SRC: variants seen among roughly 807,000 people sequenced by gnomAD.
The protein encoded by SRC is proto-oncogene tyrosine-protein kinase Src.
Under a neutral mutation model 62.9 loss-of-function variants are expected in SRC, and 13 were observed. The ratio of observed to expected loss-of-function variants is 0.21; its 90% CI spans 0.13 to 0.33. The LOEUF (loss-of-function observed/expected upper bound fraction) is 0.33, where lower values mean the gene tolerates loss of function less well. Ranked by LOEUF, SRC falls within the 10% of genes least tolerant of loss-of-function variation. The pLI is 1.00. For missense variants in SRC, 457 were observed against 737.3 expected (o/e 0.62, Z 4.40); for synonymous variants, 302 against 317.5 (o/e 0.95, Z 0.52).
chr20:37,371,291 G>A (rs537374113), intron 2 of SRC, among the ~76,000 whole-genome samples: 3 of 152,248 alleles, frequency 2.0e-5, no homozygotes, highest in Admixed American at 6.5e-5. Context: ...ACCGTGCCCA[G>A]CCTATTTCTT....
rs771228116 is a variant in SRC, at chr20:37,394,166, A to T, written c.450-8A>T. The T allele has an allele frequency of 1.8e-5, 29 of 1,612,696 alleles. No homozygotes were observed. In the African/African-American group the frequency reaches 3.9e-4, roughly 22 times the overall value. On this transcript the variant is annotated splice_polypyrimidine_tract_variant and splice_region_variant and intron_variant, in intron 6 of 13. Transcript: ENST00000373578. ...AGTCAGCACCATCCTCCGTCCTCCCACCCCCAGGTGGTATTTTGGCAAGAT... is the reference window on the plus strand; with the variant it reads ...AGTCAGCACCATCCTCCGTCCTCCCTCCCCCAGGTGGTATTTTGGCAAGAT...
At chr20:37,386,038 G>T in intron 4 of SRC, 37 bp from the exon 5 acceptor site, 1 of 1,551,330 alleles carries the variant, frequency 6.4e-7, no homozygotes, top group Non-Finnish European at 8.9e-7. Context: ...CCTGGCTGTG[G>T]CCCCACTGTT....
chr20:37,364,539 T>G (rs2070032546), intron 1 of SRC, among the ~76,000 whole-genome samples: 1 of 152,016 alleles, frequency 6.6e-6, no homozygotes. Flanking sequence ...CTTCTCCAGG[T>G]CTAGGGGACA....
intron 1 of SRC, among the ~76,000 whole-genome samples, chr20:37,356,514 G>C (rs964307325): frequency 2.0e-5 from 3 of 152,048 alleles, no homozygotes; most frequent in African/African-American, 7.2e-5. Context: ...ATGGACAGGG[G>C]AGTGGTGGGG....
intron 1 of SRC, among the ~76,000 whole-genome samples, chr20:37,353,688 C>T (rs946480218): frequency 2.0e-5 from 3 of 152,146 alleles, no homozygotes; most frequent in African/African-American, 7.2e-5. Flanking sequence ...GGGGACTTGC[C>T]CAAGGTCATC....
chr20:37,398,352 C>T lies in SRC; in HGVS notation c.859+498C>T, dbSNP rs1014275950. Among the ~76,000 whole-genome samples, 5 of 152,212 alleles carry T rather than the reference C, an allele frequency of 3.3e-5. No homozygotes were observed. The highest frequency in any genetic ancestry group is 4.4e-5 in the Non-Finnish European group (3 of 68,046). On this transcript the variant is annotated intron_variant, in intron 9 of 13. Transcript: ENST00000373578. The surrounding 1 kb of genome is among the most constrained non-coding windows in gnomAD (Gnocchi z 5.2). Reference sequence around the variant, plus strand: ...TGGAGAAACAGCAAAGCATGAGCACCGTGCAGCCCTGACAAAACCCAGGCC... The same window carrying T: ...TGGAGAAACAGCAAAGCATGAGCACTGTGCAGCCCTGACAAAACCCAGGCC...
chr20:37,355,320 G>A (rs754312197), intron 1 of SRC, among the ~76,000 whole-genome samples: 2 of 142,210 alleles, frequency 1.4e-5, no homozygotes, highest in African/African-American at 5.2e-5. Flanking sequence ...TGCTGTTCCC[G>A]TTTCTCTCCT....
intron 5 of SRC, among the ~76,000 whole-genome samples, chr20:37,391,923 G>T (rs1372715362): frequency 6.6e-6 from 1 of 152,150 alleles, no homozygotes; most frequent in African/African-American, 2.4e-5. Context: ...TGCGCTGATC[G>T]CTTGACATTT....
chr20:37,359,582 C>T (rs889057998), intron 1 of SRC, among the ~76,000 whole-genome samples: 1 of 152,156 alleles, frequency 6.6e-6, no homozygotes, highest in African/African-American at 2.4e-5. Context: ...TGGGGAGACC[C>T]CGAGGCAGGG....
In SRC at chr20:37,384,491, G is replaced by A. The variant is rs1322975254; in HGVS notation, c.250+88G>A. 8 of 1,251,288 alleles carry A rather than the reference G, an allele frequency of 6.4e-6. No individual in the cohort carries two copies. The East Asian group carries it at 2.7e-4, about 43-fold the overall frequency. The allele number at this position is 1,251,288 out of a possible 1,614,324, so 77.5% of individuals were successfully genotyped here. ...CTGTGTGCCCGGGGTCGCCCCCTCT[G>A]CGCAGGCCCTTCCTCTCGCCAGGGG... On this transcript the variant is annotated intron_variant, in intron 4 of 13. Coordinates refer to ENST00000373578, the MANE Select transcript of SRC (RefSeq NM_198291.3). This position sits in a 1 kb window ranked among gnomAD's most constrained non-coding sequence, Gnocchi z 6.7.
chr20:37,388,388 T>C (rs1443466026), intron 5 of SRC, among the ~76,000 whole-genome samples: 2 of 151,858 alleles, frequency 1.3e-5, no homozygotes, highest in African/African-American at 2.4e-5. Context: ...GATTGGGAGA[T>C]GGGGGTGGGT....
intron 2 of SRC, among the ~76,000 whole-genome samples, chr20:37,368,518 C>CTTTTTTTTTTTGTTTTTTTTT (rs2070102019): frequency 1.4e-5 from 1 of 73,898 alleles, no homozygotes; most frequent in South Asian, 5.8e-4. Flanking sequence ...CCTATATTTT[C>CTTTTTTTTTTTGTTTTTTTTT]TTTTTTTTTT....
chr20:37,375,368 T>C (rs2070260686), intron 2 of SRC, among the ~76,000 whole-genome samples: 1 of 151,998 alleles, frequency 6.6e-6, no homozygotes, highest in Non-Finnish European at 1.5e-5. Flanking sequence ...CGTAGCTGGG[T>C]CTACAGGTGC....
rs1452386481 is a variant in SRC, at chr20:37,403,670, A to T, written c.*291A>T. ...AGCTCTGTGGGTCTCTGGAAGAGGA[A>T]CCAGGAGAAGGGCTGGGGCCGGGGC... On this transcript the variant is annotated 3_prime_UTR_variant, in exon 14 of 14. Coordinates refer to ENST00000373578, the MANE Select transcript of SRC (RefSeq NM_198291.3). The surrounding 1 kb of genome is among the most constrained non-coding windows in gnomAD (Gnocchi z 7.1). The T allele has an allele frequency of 2.2e-6, 1 of 463,324 alleles. No homozygotes were observed. Among genetic ancestry groups the T allele is most frequent in the Non-Finnish European group, 3.9e-6 (1 of 254,102 alleles). 28.7% of individuals were successfully genotyped at this position (463,324 alleles called of 1,614,324 possible).
At chr20:37,365,111 A>G (rs890726758) in intron 1 of SRC, 93 bp from the exon 2 acceptor site, 7 of 152,322 alleles carry the variant, frequency 4.6e-5, no homozygotes, top group South Asian at 4.2e-4. Flanking sequence ...GGAGCCAGGC[A>G]CAGGGGGAGG....
chr20:37,401,420 C>T (rs1185158229), intron 10 of SRC, among the ~76,000 whole-genome samples, 182 bp from the exon 11 acceptor site: 1 of 152,086 alleles, frequency 6.6e-6, no homozygotes, highest in Non-Finnish European at 1.5e-5. Context: ...CTGCTTGTTT[C>T]CCATCCTGCT....
At chr20:37,358,698 G>A (rs1036572363) in intron 1 of SRC, among the ~76,000 whole-genome samples, 3 of 152,252 alleles carry the variant, frequency 2.0e-5, no homozygotes, top group African/African-American at 4.8e-5. Context: ...GCAGAAGAGC[G>A]GTCAGGGCTG....
Position 37,403,201 on chromosome 20 carries a change from T to C in SRC, c.1433T>C (p.Val478Ala). 1 of 1,561,678 alleles carries C rather than the reference T, an allele frequency of 6.4e-7. No individual in the cohort carries two copies. The highest frequency in any genetic ancestry group is 1.4e-5 in the African/African-American group (1 of 73,862). The change falls in exon 14 of 14, where the codon GTG (valine) becomes GCG (alanine). Residue 478 changes from valine to alanine, a missense_variant. Coordinates refer to ENST00000373578, the MANE Select transcript of SRC (RefSeq NM_198291.3). This position sits in a 1 kb window ranked among gnomAD's most constrained non-coding sequence, Gnocchi z 7.1. ...GTGAACCGCGAGGTGCTGGACCAGG[T>C]GGAGCGGGGCTACCGGATGCCCTGC... ...GMVNREVLDQVERGYRMPCPP... is the reference protein window; with the variant it reads ...GMVNREVLDQAERGYRMPCPP...
Position 37,402,443 on chromosome 20 carries a change from A to G in SRC, c.1125A>G (p.Ser375=), listed in dbSNP as rs774409129. 2.5e-6 allele frequency: 4 copies of G among 1,612,726 alleles called. No homozygotes were observed. In the African/African-American group the frequency reaches 4.0e-5, roughly 16 times the overall value. ...QLVDMAAQIA[S]GMAYVERMNY... ...CACGGTTCCGCCTGCAGATCGCCTC[A>G]GGCATGGCGTACGTGGAGCGGATGA... The change falls in exon 12 of 14, where the codon TCA becomes TCG. Residue 375 remains serine, a synonymous_variant. Coordinates refer to ENST00000373578, the MANE Select transcript of SRC (RefSeq NM_198291.3). This position sits in a 1 kb window ranked among gnomAD's most constrained non-coding sequence, Gnocchi z 6.2.
Sources: gnomAD v4.1 joint callset for allele counts (sites outside exome capture counted in the v4.1 genomes callset) on GRCh38, gnomAD v4.1.1 for gene constraint, Gnocchi (gnomAD v3.1) non-coding constraint, MANE v1.5 for transcripts, NCBI Gene and HGNC (gene_info 2026-07-23, HGNC 2026-07-21) for gene names.